Variants in FHOD3 observed in about 807,000 individuals in gnomAD.
FHOD3 encodes FH1/FH2 domain-containing protein 3.
FHOD3 carries 90 observed loss-of-function variants against 173.0 expected under a neutral mutation model. The observed-to-expected ratio is 0.52, with a 90% CI of 0.44 to 0.62. FHOD3 has a LOEUF of 0.62. FHOD3 is among the 20% of genes least tolerant of loss of function. FHOD3 has a pLI of 0.00. For missense variants in FHOD3, 1,945 were observed against 2,034.7 expected (o/e 0.96, Z 0.85); for synonymous variants, 828 against 823.0 (o/e 1.01, Z -0.10).
At chr18:36,721,457 A>G (rs2040784473) in intron 19 of FHOD3, among the ~76,000 whole-genome samples, 1 of 152,204 alleles carries the variant, frequency 6.6e-6, no homozygotes, top group African/African-American at 2.4e-5. Flanking sequence ...CCTGGACAAC[A>G]TGGTGAAACC....
chr18:36,561,239 A>G (rs2058072885), intron 5 of FHOD3, among the ~76,000 whole-genome samples: 1 of 152,256 alleles, frequency 6.6e-6, no homozygotes, highest in African/African-American at 2.4e-5. Context: ...AAGGATGGCA[A>G]AACAATTCTG....
intron 3 of FHOD3, among the ~76,000 whole-genome samples, chr18:36,384,897 T>TACCACCACCACCACCACCACCACCACC (rs60582813): frequency 6.6e-6 from 1 of 150,982 alleles, no homozygotes; most frequent in Non-Finnish European, 1.5e-5. Context: ...TGGTGGAAGA[T>TACCACCACCACCACCACCACCACCACC]ACCACCACCA....
At chr18:36,427,286 TAAAA>T (rs35854743) in intron 3 of FHOD3, among the ~76,000 whole-genome samples, 2,540 of 79,436 alleles carry the variant, frequency 0.032, 79 homozygotes, top group African/African-American at 0.11. Flanking sequence ...CTTGCTTCTC[TAAAA>T]AAAAAAAAAA....
At chr18:36,502,240 GTTTT>G (rs5824024) in intron 4 of FHOD3, among the ~76,000 whole-genome samples, 1 of 146,192 alleles carries the variant, frequency 6.8e-6, no homozygotes, top group Admixed American at 6.9e-5. Flanking sequence ...TTTACTTCTA[GTTTT>G]TTTTTTTTTT....
At chr18:36,530,952 A>T (rs2056755222) in intron 5 of FHOD3, among the ~76,000 whole-genome samples, 1 of 152,068 alleles carries the variant, frequency 6.6e-6, no homozygotes, top group African/African-American at 2.4e-5. Context: ...CTGGGAAAAG[A>T]CTTTTCCTTG....
intron 3 of FHOD3, among the ~76,000 whole-genome samples, chr18:36,479,098 G>T (rs531139496): frequency 6.6e-6 from 1 of 152,196 alleles, no homozygotes; most frequent in Non-Finnish European, 1.5e-5. Context: ...AGTGGCCATT[G>T]CTGTGTGTCT....
chr18:36,628,098 A>G (rs899454160), intron 10 of FHOD3, among the ~76,000 whole-genome samples: 2 of 152,218 alleles, frequency 1.3e-5, no homozygotes, highest in Non-Finnish European at 2.9e-5. Context: ...AAAGGGGTTC[A>G]TATTGTTCTA....
At chr18:36,417,211 C>T (rs1049587596) in intron 3 of FHOD3, among the ~76,000 whole-genome samples, 14 of 152,102 alleles carry the variant, frequency 9.2e-5, no homozygotes, top group African/African-American at 3.4e-4. Context: ...TGATCCTCTC[C>T]CTCCTCCCAT....
intron 10 of FHOD3, among the ~76,000 whole-genome samples, chr18:36,642,001 A>G (rs2148988784): frequency 1.3e-5 from 2 of 152,046 alleles, no homozygotes; most frequent in Admixed American, 1.3e-4. Flanking sequence ...CCCTTGCCCC[A>G]TAATTACACT....
chr18:36,763,947 CATAG>C (rs1232211402), intron 27 of FHOD3, among the ~76,000 whole-genome samples: 1 of 152,074 alleles, frequency 6.6e-6, no homozygotes, highest in Non-Finnish European at 1.5e-5. Context: ...CTGTAATTTC[CATAG>C]ATAGTTTTGG....
chr18:36,734,414 G>A (rs531573700), intron 20 of FHOD3, among the ~76,000 whole-genome samples: 67 of 152,208 alleles, frequency 4.4e-4, no homozygotes, highest in Admixed American at 2.0e-3. Context: ...TCCATACATT[G>A]TCACATGCCC....
At chr18:36,644,653 A>G (rs1235675246) in intron 10 of FHOD3, among the ~76,000 whole-genome samples, 1 of 152,258 alleles carries the variant, frequency 6.6e-6, no homozygotes, top group Non-Finnish European at 1.5e-5. Flanking sequence ...CTTGGGATGT[A>G]GGTTCAGATA....
At chr18:36,699,116 C>A (rs940477789) in intron 17 of FHOD3, among the ~76,000 whole-genome samples, 1 of 152,208 alleles carries the variant, frequency 6.6e-6, no homozygotes, top group Non-Finnish European at 1.5e-5. Flanking sequence ...GCAGAAAAGA[C>A]TATCAATGCC....
At chr18:36,349,967 G>C (rs2046044155) in intron 1 of FHOD3, among the ~76,000 whole-genome samples, 2 of 152,114 alleles carry the variant, frequency 1.3e-5, no homozygotes, top group Admixed American at 1.3e-4. Context: ...TGGTGGAGAT[G>C]GGGTTTCACC....
chr18:36,396,896 G>A (rs2146587145), intron 3 of FHOD3, among the ~76,000 whole-genome samples: 1 of 151,742 alleles, frequency 6.6e-6, no homozygotes, highest in East Asian at 1.9e-4. Flanking sequence ...TAACTTCACA[G>A]ACATCTATTG....
At chr18:36,729,792 AT>A (rs2149903738) in intron 19 of FHOD3, among the ~76,000 whole-genome samples, 1 of 152,288 alleles carries the variant, frequency 6.6e-6, no homozygotes. Flanking sequence ...GGACATAAAC[AT>A]TCAGCTTATA....
chr18:36,326,134 C>G lies in FHOD3; in HGVS notation c.165+28134C>G, dbSNP rs577125623. ...AATACAAAAATGTCTTTTGCAAGCCCTGGGGTTTTCAGTCTGGCCCCTTCT... is the reference window on the plus strand; with the variant it reads ...AATACAAAAATGTCTTTTGCAAGCCGTGGGGTTTTCAGTCTGGCCCCTTCT... On this transcript the variant is annotated intron_variant, in intron 1 of 28. Coordinates refer to ENST00000590592, the MANE Select transcript of FHOD3 (RefSeq NM_001281740.3). Among the ~76,000 whole-genome samples the G allele has an allele frequency of 4.6e-5, 7 of 152,278 alleles. No individual in the cohort carries two copies. In the South Asian group the frequency reaches 1.4e-3, roughly 32 times the overall value.
Position 36,681,555 on chromosome 18 carries a change from A to C in FHOD3, c.1955A>C (p.Glu652Ala). The change falls in exon 15 of 29, where the codon GAA becomes GCA. Residue 652 changes from glutamate (E) to alanine (A), a missense_variant. Transcript: ENST00000590592. The stretch of plus-strand genomic sequence containing the variant: ...AGGTTGCAGAGAATAGAGCGGGAAG[A>C]AAGAAACAAATTCAGGTAAGAAGGA... ...EERLQRIERE[E>A]RNKFSRDYLD... 6.2e-7 allele frequency: 1 copy of C among 1,613,672 alleles called. No homozygotes were observed. Among genetic ancestry groups the C allele is most frequent in the Non-Finnish European group, 8.5e-7 (1 of 1,179,768 alleles).
rs755807036 is a variant in FHOD3, at chr18:36,747,150, G to A, written c.4232+15G>A. 1 of 1,582,144 alleles carries A rather than the reference G, an allele frequency of 6.3e-7. No homozygotes were observed. The highest frequency in any genetic ancestry group is 1.2e-5 in the South Asian group (1 of 85,930). On this transcript the variant is annotated intron_variant, in intron 24 of 28. Coordinates refer to ENST00000590592, the MANE Select transcript of FHOD3 (RefSeq NM_001281740.3). ...ATAATCAACAGGTAAGTGGATTGAG[G>A]AACTTATAGAAATATCAGTACAATG...
Sources: allele counts gnomAD v4.1 joint callset (sites outside exome capture counted in the v4.1 genomes callset), GRCh38; gene constraint gnomAD v4.1.1; transcripts MANE v1.5; gene names NCBI Gene and HGNC (gene_info 2026-07-23, HGNC 2026-07-21).